Variants in ZDHHC14 observed in about 807,000 individuals in gnomAD.
The protein encoded by ZDHHC14 is zDHHC palmitoyltransferase 14, also known as palmitoyltransferase ZDHHC14.
ZDHHC14 carries 16 observed loss-of-function variants against 47.7 expected under a neutral mutation model. The observed-to-expected ratio is 0.34, with a 90% CI of 0.23 to 0.51. The LOEUF (loss-of-function observed/expected upper bound fraction) is 0.51. Ranked by LOEUF, ZDHHC14 falls within the 20% of genes least tolerant of loss-of-function variation. ZDHHC14 has a pLI of 0.97. For missense variants in ZDHHC14, 515 were observed against 662.5 expected, an observed-to-expected ratio of 0.78 and a Z score of 2.44; for synonymous variants, 293 against 278.9, an observed-to-expected ratio of 1.05 and a Z score of -0.50.
At chr6:157,672,560 G>C (rs908746864) in intron 8 of ZDHHC14, among the ~76,000 whole-genome samples, 164 bp from the exon 9 acceptor site, 4 of 152,078 alleles carry the variant, frequency 2.6e-5, no homozygotes, top group Admixed American at 2.6e-4. Flanking sequence ...CAATGCACCT[G>C]GACCACTGTA....
At chr6:157,612,497 G>T (rs1784790023) in intron 3 of ZDHHC14, among the ~76,000 whole-genome samples, 1 of 152,212 alleles carries the variant, frequency 6.6e-6, no homozygotes, top group South Asian at 2.1e-4. Flanking sequence ...TCATCTTTCA[G>T]GGAGATGTTC....
At chr6:157,597,369 CTG>C (rs1342415614) in intron 3 of ZDHHC14, among the ~76,000 whole-genome samples, 10 of 152,204 alleles carry the variant, frequency 6.6e-5, no homozygotes, top group Non-Finnish European at 1.5e-4. Flanking sequence ...TGAGGGATGT[CTG>C]TCGTTTGGTG....
chr6:157,572,561 G>C (rs1783141007), intron 2 of ZDHHC14, among the ~76,000 whole-genome samples: 1 of 151,674 alleles, frequency 6.6e-6, no homozygotes, highest in African/African-American at 2.4e-5. Flanking sequence ...TGTTACATAT[G>C]TATACATGTG....
chr6:157,399,391 C>T (rs1167775236), intron 1 of ZDHHC14, among the ~76,000 whole-genome samples: 5 of 152,226 alleles, frequency 3.3e-5, no homozygotes, highest in East Asian at 1.9e-4. Flanking sequence ...AGCACCATGC[C>T]GTGGGATAAG....
intron 2 of ZDHHC14, among the ~76,000 whole-genome samples, chr6:157,546,515 C>A (rs1451690202): frequency 1.3e-5 from 2 of 152,138 alleles, no homozygotes; most frequent in East Asian, 3.9e-4. Context: ...GCTTCAGAGT[C>A]TGTTTCAAGG....
At chr6:157,632,506 T>C in intron 4 of ZDHHC14, 1 of 285,300 alleles carries the variant, frequency 3.5e-6, no homozygotes, top group Non-Finnish European at 6.7e-6. Context: ...AGAGAAAAGA[T>C]AGCATACAGT....
At chr6:157,498,891 T>A (rs1382992104) in intron 1 of ZDHHC14, among the ~76,000 whole-genome samples, 1 of 152,170 alleles carries the variant, frequency 6.6e-6, no homozygotes, top group Non-Finnish European at 1.5e-5. Context: ...TTGCATTGAG[T>A]TCAGTGGTTG....
chr6:157,585,929 G>C (rs1783680553), intron 2 of ZDHHC14, among the ~76,000 whole-genome samples: 1 of 152,226 alleles, frequency 6.6e-6, no homozygotes, highest in Non-Finnish European at 1.5e-5. Flanking sequence ...CAGCACTTGA[G>C]GGCCTGTGGC....
intron 1 of ZDHHC14, among the ~76,000 whole-genome samples, chr6:157,511,683 C>T (rs1780495829): frequency 6.6e-6 from 1 of 151,904 alleles, no homozygotes; most frequent in Admixed American, 6.6e-5. Flanking sequence ...CTTGAGCCAC[C>T]GCGCCCGGCC....
intron 2 of ZDHHC14, among the ~76,000 whole-genome samples, chr6:157,581,422 A>T (rs1455027878): frequency 1.3e-5 from 2 of 151,776 alleles, no homozygotes; most frequent in Non-Finnish European, 2.9e-5. Flanking sequence ...AGTTCTGTAG[A>T]TGTTTGTGCT....
chr6:157,489,294 A>T (rs145207257), intron 1 of ZDHHC14, among the ~76,000 whole-genome samples: 21 of 152,280 alleles, frequency 1.4e-4, no homozygotes, highest in Non-Finnish European at 2.8e-4. Flanking sequence ...CATAGAACAA[A>T]CTCATGCGCA....
In ZDHHC14 at chr6:157,586,946, C is replaced by T; in HGVS notation, c.407-6042C>T. 6.6e-6 allele frequency among the ~76,000 whole-genome samples: 1 copy of T among 152,290 alleles called. No individual in the cohort carries two copies. On this transcript the variant is annotated intron_variant, in intron 2 of 8. Transcript: ENST00000359775. The surrounding 1 kb of genome is among the most constrained non-coding windows in gnomAD (Gnocchi z 4.6). ...ATCTTTTAAAAAATGCACTTTGGAACTAAAGATCAATAGAGTTTATCTTCA... is the reference window on the plus strand; with the variant it reads ...ATCTTTTAAAAAATGCACTTTGGAATTAAAGATCAATAGAGTTTATCTTCA...
At chr6:157,623,518 C>A (rs955733318) in intron 3 of ZDHHC14, among the ~76,000 whole-genome samples, 1 of 151,136 alleles carries the variant, frequency 6.6e-6, no homozygotes, top group Non-Finnish European at 1.5e-5. Context: ...CTTATAGCAG[C>A]ATGAGAACAG....
At chr6:157,468,617 A>G (rs1319570856) in intron 1 of ZDHHC14, among the ~76,000 whole-genome samples, 1 of 152,242 alleles carries the variant, frequency 6.6e-6, no homozygotes, top group Non-Finnish European at 1.5e-5. Context: ...TGATTGTCCA[A>G]GTTTATGATA....
intron 5 of ZDHHC14, among the ~76,000 whole-genome samples, chr6:157,642,753 A>G (rs1345342739): frequency 6.6e-6 from 1 of 152,224 alleles, no homozygotes; most frequent in East Asian, 1.9e-4. Flanking sequence ...ATACCTTTAA[A>G]AGAAATTTCT....
intron 1 of ZDHHC14, among the ~76,000 whole-genome samples, chr6:157,429,835 A>G (rs1778300800): frequency 1.3e-5 from 2 of 152,156 alleles, no homozygotes; most frequent in African/African-American, 4.8e-5. Context: ...AGTCTCCCAT[A>G]TGATGGCAAG....
Position 157,542,673 on chromosome 6 carries a change from A to G in ZDHHC14, c.334A>G (p.Thr112Ala), listed in dbSNP as rs1465441956. The G allele has an allele frequency of 2.5e-6, 4 of 1,613,934 alleles. No individual in the cohort carries two copies. The African/African-American group carries it at 4.0e-5, about 16-fold the overall frequency. ...FFFVMGTLLR[T>A]SFSDPGVLPR... ...CTTTGTGATGGGGACCCTGCTCCGCACCAGCTTCAGCGACCCCGGAGTCCT... is the reference window on the plus strand; with the variant it reads ...CTTTGTGATGGGGACCCTGCTCCGCGCCAGCTTCAGCGACCCCGGAGTCCT... The change falls in exon 2 of 9, where the codon ACC (threonine) becomes GCC (alanine). Residue 112 changes from threonine to alanine, a missense_variant. Physicochemically the swap from Thr to Ala is moderately conservative, Grantham distance 58. Around this residue, in one of 4 missense-constraint regions of ZDHHC14, gnomAD observed 229 missense variants for 351.5 expected, o/e 0.65. Transcript: ENST00000359775.
chr6:157,485,059 C>A (rs1032774445), intron 1 of ZDHHC14, among the ~76,000 whole-genome samples: 1 of 151,886 alleles, frequency 6.6e-6, no homozygotes, highest in Non-Finnish European at 1.5e-5. Flanking sequence ...ATCGCGCCAC[C>A]GCACTCCAGC....
intron 1 of ZDHHC14, among the ~76,000 whole-genome samples, chr6:157,383,070 C>G (rs1005589639): frequency 2.0e-5 from 3 of 152,218 alleles, no homozygotes; most frequent in Non-Finnish European, 4.4e-5. Flanking sequence ...GCATGCAAGT[C>G]TTCACCGTTT....
Sources: allele counts gnomAD v4.1 joint callset (sites outside exome capture counted in the v4.1 genomes callset), GRCh38; gene constraint gnomAD v4.1.1; regional missense constraint gnomAD v4.1.1; non-coding constraint Gnocchi (gnomAD v3.1); transcripts MANE v1.5; gene names NCBI Gene and HGNC (gene_info 2026-07-23, HGNC 2026-07-21).